The following TLX2 variants were observed in gnomAD, a reference collection of about 807,000 sequenced individuals.
The protein encoded by TLX2 is T-cell leukemia homeobox protein 2.
Under a neutral mutation model 21.7 loss-of-function variants are expected in TLX2, and 15 were observed. That is an observed-to-expected ratio of 0.69 (90% CI 0.46 to 1.07). TLX2 has a LOEUF of 1.07. Ranked by LOEUF, TLX2 falls within the 50% of genes least tolerant of loss-of-function variation. The probability of loss-of-function intolerance (pLI) is 0.00; values close to 1 mark genes in which losing one functional copy is unlikely to be tolerated. For missense variants in TLX2, 384 were observed against 409.1 expected (o/e 0.94, Z 0.53); for synonymous variants, 213 against 193.1 (o/e 1.10, Z -0.85).
rs1326291021 is a variant in TLX2 at position 74,516,060 on chromosome 2, G to A, written c.726G>A (p.Pro242=). ...TGCAGCAGGACGCGTTGCCACGGCC[G>A]CTGCGGCCGCCGCTGCCCCCGGACC... is the stretch of plus-strand genomic sequence containing the variant. The part of the protein sequence containing the change: ...LHLQQDALPR[P]LRPPLPPDPL... Residue 242 remains proline (P), a synonymous_variant, in exon 3 of 3, where the codon CCG becomes CCA. Coordinates refer to ENST00000233638, the MANE Select transcript of TLX2 (RefSeq NM_016170.5). 1.3e-6 allele frequency: 2 copies of A among 1,585,036 alleles called. No individual in the cohort carries two copies. Among genetic ancestry groups the A allele is most frequent in the Non-Finnish European group, 1.7e-6 (2 of 1,171,640 alleles).
Position 74,516,012 on chromosome 2 carries a change from C to G in TLX2, c.678C>G (p.Arg226=), listed in dbSNP as rs371068999. The G allele has an allele frequency of 2.0e-6, 3 of 1,522,418 alleles. No homozygotes were observed. The highest frequency in any genetic ancestry group is 2.6e-6 in the Non-Finnish European group (3 of 1,143,292). 94.3% of individuals were successfully genotyped at this position (1,522,418 alleles called of 1,614,324 possible). A position where few individuals can be genotyped will look rare whatever the true frequency, so the allele number is the denominator to read the frequency against. Residue 226 remains arginine (R), a synonymous_variant, in exon 3 of 3, where the codon CGC becomes CGG. Transcript: ENST00000233638. Reference sequence around the variant, plus strand: ...AGGAGCGCGAGGCCGAGCGGCACCGCGCGGGCCGGCTGCTCCTGCATCTGC... The same window carrying G: ...AGGAGCGCGAGGCCGAGCGGCACCGGGCGGGCCGGCTGCTCCTGCATCTGC... ...TAEEREAERH[R]AGRLLLHLQQ... is the part of the protein sequence containing the mutation.
Position 74,516,475 on chromosome 2 carries a change from G to A in TLX2, c.*286G>A. 3 of 1,305,334 alleles carry A rather than the reference G, an allele frequency of 2.3e-6. No individual in the cohort carries two copies. 80.9% of individuals were successfully genotyped at this position (1,305,334 alleles called of 1,614,324 possible). On this transcript the variant is annotated 3_prime_UTR_variant, in exon 3 of 3. Coordinates refer to ENST00000233638, the MANE Select transcript of TLX2 (RefSeq NM_016170.5). ...CCTGCAGGACAGTAGCCAATGAGGT[G>A]CGGGGAGGGGGCCGGGCTGGCCAAT...
rs942348971 is a variant in TLX2, at chr2:74,516,375, G to A, written c.*186G>A. The A allele has an allele frequency of 9.4e-6, 14 of 1,481,858 alleles. No individual in the cohort carries two copies. Among genetic ancestry groups the A allele is most frequent in the Admixed American group, 2.4e-5 (1 of 41,826 alleles). 91.8% of individuals were successfully genotyped at this position (1,481,858 alleles called of 1,614,324 possible). Reference sequence around the variant, plus strand: ...TGCGCAGATGCACGGCCAGCTCAGAGGCGGCCTTTCCCGCCATTTTTCACT... The same window carrying A: ...TGCGCAGATGCACGGCCAGCTCAGAAGCGGCCTTTCCCGCCATTTTTCACT... On this transcript the variant is annotated 3_prime_UTR_variant, in exon 3 of 3. Coordinates refer to ENST00000233638, the MANE Select transcript of TLX2 (RefSeq NM_016170.5).
At position 74,514,614 on chromosome 2, in the gene TLX2, G is replaced by C; in HGVS notation, c.-193G>C. 1 of 1,416,556 alleles carries C rather than the reference G, an allele frequency of 7.1e-7. No homozygotes were observed. The highest frequency in any genetic ancestry group is 9.2e-7 in the Non-Finnish European group (1 of 1,092,618). 87.7% of individuals were successfully genotyped at this position (1,416,556 alleles called of 1,614,324 possible). A position where few individuals can be genotyped will look rare whatever the true frequency, so the allele number is the denominator to read the frequency against. ...CAAGTCCCTGCGCTGACGCCCGGCAGCGGCTGGCACGGGCGCGGCTGCTCC... is the reference window on the plus strand; with the variant it reads ...CAAGTCCCTGCGCTGACGCCCGGCACCGGCTGGCACGGGCGCGGCTGCTCC... On this transcript the variant is annotated 5_prime_UTR_variant, in exon 1 of 3. Transcript: ENST00000233638. The surrounding 1 kb of genome is among the most constrained non-coding windows in gnomAD (Gnocchi z 5.0).
chr2:74,516,111 C>G lies in TLX2; in HGVS notation c.777C>G (p.Leu259=). The change falls in exon 3 of 3, where the codon CTC becomes CTG. Residue 259 remains leucine (L), a synonymous_variant. Transcript: ENST00000233638. ...PDPLCLHNSS[L]FALQNLQPWA... ...CTCTCTGCCTGCACAACTCGTCGCT[C>G]TTCGCGCTGCAGAACCTGCAGCCCT... 6.2e-7 allele frequency: 1 copy of G among 1,610,156 alleles called. No homozygotes were observed. The highest frequency in any genetic ancestry group is 8.5e-7 in the Non-Finnish European group (1 of 1,179,068).
At position 74,515,519 on chromosome 2, in the gene TLX2, G is replaced by A; in HGVS notation, c.401-114G>A. 1 of 1,191,030 alleles carries A rather than the reference G, an allele frequency of 8.4e-7. No homozygotes were observed. Among genetic ancestry groups the A allele is most frequent in the Non-Finnish European group, 1.2e-6 (1 of 842,626 alleles). The allele number at this position is 1,191,030 out of a possible 1,614,324, so 73.8% of individuals were successfully genotyped here. A position where few individuals can be genotyped will look rare whatever the true frequency, so the allele number is the denominator to read the frequency against. On this transcript the variant is annotated intron_variant, in intron 1 of 2. Coordinates refer to ENST00000233638, the MANE Select transcript of TLX2 (RefSeq NM_016170.5). This position sits in a 1 kb window ranked among gnomAD's most constrained non-coding sequence, Gnocchi z 6.6. The stretch of plus-strand genomic sequence containing the variant: ...CTATAGGGCTCGGCTGATGCTTAGG[G>A]CCCGGGTAAGGACAGGGCGCGGGAG...
At position 74,515,030 on chromosome 2, in the gene TLX2, T is replaced by A; in HGVS notation, c.224T>A (p.Val75Glu). The stretch of plus-strand genomic sequence containing the variant: ...GCCCCGCTGCCCGGCAGCTCCGGAG[T>A]GGGCCCAGGCGGCGTGATCCGCGTC... ...SLAPLPGSSG[V>E]GPGGVIRVPA... Residue 75 changes from valine (V) to glutamate (E), a missense_variant, in exon 1 of 3, where the codon GTG becomes GAG. Val to Glu is a moderately radical substitution (Grantham distance 121). Coordinates refer to ENST00000233638, the MANE Select transcript of TLX2 (RefSeq NM_016170.5). The surrounding 1 kb of genome is among the most constrained non-coding windows in gnomAD (Gnocchi z 6.6). 1 of 1,524,502 alleles carries A rather than the reference T, an allele frequency of 6.6e-7. No homozygotes were observed. Among genetic ancestry groups the A allele is most frequent in the Non-Finnish European group, 8.8e-7 (1 of 1,136,786 alleles). 94.4% of individuals were successfully genotyped at this position (1,524,502 alleles called of 1,614,324 possible). A position where few individuals can be genotyped will look rare whatever the true frequency, so the allele number is the denominator to read the frequency against.
In TLX2 at chr2:74,515,118, C is replaced by G; in HGVS notation, c.312C>G (p.Pro104=). 1 of 1,539,882 alleles carries G rather than the reference C, an allele frequency of 6.5e-7. No individual in the cohort carries two copies. The highest frequency in any genetic ancestry group is 8.7e-7 in the Non-Finnish European group (1 of 1,144,882). The stretch of plus-strand genomic sequence containing the variant: ...GGGGGGCGCCTGCAGTGCCTGGGCC[C>G]TCGGGTTTGGGCGGCGCCGGAGGCC... ...PAGGAPAVPG[P]SGLGGAGGLA... The change falls in exon 1 of 3, where the codon CCC becomes CCG. Residue 104 remains proline, a synonymous_variant. Transcript: ENST00000233638. The surrounding 1 kb of genome is among the most constrained non-coding windows in gnomAD (Gnocchi z 6.6).
chr2:74,516,432 G>C lies in TLX2; in HGVS notation c.*243G>C, dbSNP rs1470745934. The C allele has an allele frequency of 4.3e-6, 6 of 1,392,494 alleles. No individual in the cohort carries two copies. Among genetic ancestry groups the C allele is most frequent in the Non-Finnish European group, 5.6e-6 (6 of 1,069,864 alleles). The allele number at this position is 1,392,494 out of a possible 1,614,324, so 86.3% of individuals were successfully genotyped here. A position where few individuals can be genotyped will look rare whatever the true frequency, so the allele number is the denominator to read the frequency against. ...CCGTTACGCCCTCGCTGGAACCTGA[G>C]GCGCCGAGAGGGCGGGACCTGCAGG... On this transcript the variant is annotated 3_prime_UTR_variant, in exon 3 of 3. Coordinates refer to ENST00000233638, the MANE Select transcript of TLX2 (RefSeq NM_016170.5).
chr2:74,514,609 C>G lies in TLX2; in HGVS notation c.-198C>G, dbSNP rs1339315332. 2.1e-6 allele frequency: 3 copies of G among 1,415,656 alleles called. No homozygotes were observed. The highest frequency in any genetic ancestry group is 3.1e-5 in the South Asian group (2 of 65,366). 87.7% of individuals were successfully genotyped at this position (1,415,656 alleles called of 1,614,324 possible). On this transcript the variant is annotated 5_prime_UTR_variant, in exon 1 of 3. Coordinates refer to ENST00000233638, the MANE Select transcript of TLX2 (RefSeq NM_016170.5). This position sits in a 1 kb window ranked among gnomAD's most constrained non-coding sequence, Gnocchi z 5.0. ...GGATGCAAGTCCCTGCGCTGACGCC[C>G]GGCAGCGGCTGGCACGGGCGCGGCT...
In TLX2 at chr2:74,516,181, G is replaced by A. The variant is rs1416009407; in HGVS notation, c.847G>A (p.Val283Met). Residue 283 changes from valine to methionine, a missense_variant, in exon 3 of 3, where the codon GTG (valine) becomes ATG (methionine). By Grantham distance (21) the Val-to-Met change is conservative. Transcript: ENST00000233638. ...GGCTTCAGTGTCCGGGCTCGCCTCG[G>A]TGGTGTGAGCGACGCCCGTCCGATC... ...KVASVSGLAS[V>M]V The A allele has an allele frequency of 5.0e-6, 8 of 1,609,404 alleles. No individual in the cohort carries two copies. Among genetic ancestry groups the A allele is most frequent in the Non-Finnish European group, 5.9e-6 (7 of 1,178,628 alleles).
chr2:74,516,229 G>T lies in TLX2; in HGVS notation c.*40G>T. ...ATCGGCGTGGAGCGCCGGGCCCGGA[G>T]CGGTGGAGCGCGCGGCTGCCTGCGT... On this transcript the variant is annotated 3_prime_UTR_variant, in exon 3 of 3. Coordinates refer to ENST00000233638, the MANE Select transcript of TLX2 (RefSeq NM_016170.5). 6.3e-7 allele frequency: 1 copy of T among 1,584,026 alleles called. No homozygotes were observed.
Position 74,516,511 on chromosome 2 carries a change from T to G in TLX2, c.*322T>G. 1.6e-6 allele frequency: 2 copies of G among 1,225,544 alleles called. No homozygotes were observed. Among genetic ancestry groups the G allele is most frequent in the Non-Finnish European group, 2.1e-6 (2 of 971,998 alleles). 75.9% of individuals were successfully genotyped at this position (1,225,544 alleles called of 1,614,324 possible). A position where few individuals can be genotyped will look rare whatever the true frequency, so the allele number is the denominator to read the frequency against. On this transcript the variant is annotated 3_prime_UTR_variant, in exon 3 of 3. Transcript: ENST00000233638. ...GCCGGGCTGGCCAATGGGAGCTGCT[T>G]TCCTGAGGGACTCGAAATTCTCCGG...
Position 74,515,349 on chromosome 2 carries a change from G to A in TLX2, c.400+143G>A. The A allele has an allele frequency of 6.7e-7, 1 of 1,485,408 alleles. No homozygotes were observed. Among genetic ancestry groups the A allele is most frequent in the Non-Finnish European group, 9.0e-7 (1 of 1,115,228 alleles). 92.0% of individuals were successfully genotyped at this position (1,485,408 alleles called of 1,614,324 possible). A position where few individuals can be genotyped will look rare whatever the true frequency, so the allele number is the denominator to read the frequency against. On this transcript the variant is annotated intron_variant, in intron 1 of 2. Coordinates refer to ENST00000233638, the MANE Select transcript of TLX2 (RefSeq NM_016170.5). This position sits in a 1 kb window ranked among gnomAD's most constrained non-coding sequence, Gnocchi z 6.6. ...GATCCTCCCCCAACTCAAATCTCTG[G>A]GTCCTGCCTCCGAGAGGTGATGGGG...
chr2:74,515,742 G>A lies in TLX2; in HGVS notation c.510G>A (p.Leu170=), dbSNP rs1443466105. The A allele has an allele frequency of 4.3e-6, 7 of 1,613,452 alleles. No individual in the cohort carries two copies. In the Admixed American group the frequency reaches 1.0e-4, roughly 23 times the overall value. ...CGTCCTTCTCCCGCTCACAGGTGCT[G>A]GAGTTGGAGCGGCGCTTCCTGCGCC... ...PRTSFSRSQV[L]ELERRFLRQK... The change falls in exon 2 of 3, where the codon CTG becomes CTA. Residue 170 remains leucine, a synonymous_variant. Coordinates refer to ENST00000233638, the MANE Select transcript of TLX2 (RefSeq NM_016170.5). The surrounding 1 kb of genome is among the most constrained non-coding windows in gnomAD (Gnocchi z 6.6).
In TLX2 at chr2:74,516,363, G is replaced by T. The variant is rs910828053; in HGVS notation, c.*174G>T. 23 of 1,510,482 alleles carry T rather than the reference G, an allele frequency of 1.5e-5. No homozygotes were observed. The highest frequency in any genetic ancestry group is 6.2e-5 in the Admixed American group (3 of 48,084). The allele number at this position is 1,510,482 out of a possible 1,614,324, so 93.6% of individuals were successfully genotyped here. ...CCAAGCCAGCGTTGCGCAGATGCAC[G>T]GCCAGCTCAGAGGCGGCCTTTCCCG... is the stretch of plus-strand genomic sequence containing the variant. On this transcript the variant is annotated 3_prime_UTR_variant, in exon 3 of 3. Coordinates refer to ENST00000233638, the MANE Select transcript of TLX2 (RefSeq NM_016170.5).
rs1200847395 is a variant in TLX2, at chr2:74,516,773, C to T, written c.*584C>T. ...AGGATTCCTTCCTGACTTTGAGCCT[C>T]ACGTTGTCATGTGTGTTCAGCCTGC... On this transcript the variant is annotated 3_prime_UTR_variant, in exon 3 of 3. Coordinates refer to ENST00000233638, the MANE Select transcript of TLX2 (RefSeq NM_016170.5). 6.0e-6 allele frequency: 1 copy of T among 166,952 alleles called. No individual in the cohort carries two copies. The highest frequency in any genetic ancestry group is 1.3e-5 in the Non-Finnish European group (1 of 77,454). 10.3% of individuals were successfully genotyped at this position (166,952 alleles called of 1,614,324 possible). A position where few individuals can be genotyped will look rare whatever the true frequency, so the allele number is the denominator to read the frequency against.
In TLX2 at chr2:74,516,368, G is replaced by A; in HGVS notation, c.*179G>A. On this transcript the variant is annotated 3_prime_UTR_variant, in exon 3 of 3. Transcript: ENST00000233638. ...CCAGCGTTGCGCAGATGCACGGCCAGCTCAGAGGCGGCCTTTCCCGCCATT... is the reference window on the plus strand; with the variant it reads ...CCAGCGTTGCGCAGATGCACGGCCAACTCAGAGGCGGCCTTTCCCGCCATT... 1.3e-6 allele frequency: 2 copies of A among 1,491,196 alleles called. No individual in the cohort carries two copies. The highest frequency in any genetic ancestry group is 1.8e-6 in the Non-Finnish European group (2 of 1,126,198). The allele number at this position is 1,491,196 out of a possible 1,614,324, so 92.4% of individuals were successfully genotyped here.
In TLX2 at chr2:74,515,806, A is replaced by G. The variant is rs1377064161; in HGVS notation, c.574A>G (p.Lys192Glu). The G allele has an allele frequency of 6.2e-7, 1 of 1,612,800 alleles. No individual in the cohort carries two copies. Among genetic ancestry groups the G allele is most frequent in the African/African-American group, 1.3e-5 (1 of 74,930 alleles). The change falls in exon 2 of 3, where the codon AAG becomes GAG. Residue 192 changes from lysine to glutamate, a missense_variant. Coordinates refer to ENST00000233638, the MANE Select transcript of TLX2 (RefSeq NM_016170.5). The surrounding 1 kb of genome is among the most constrained non-coding windows in gnomAD (Gnocchi z 6.6). Reference protein sequence around the residue: ...LASAERAALAKALRMTDAQVK... With the variant: ...LASAERAALAEALRMTDAQVK... ...CTCTGCGGAGAGGGCGGCGCTGGCC[A>G]AGGCCTTGCGCATGACCGACGCACA...
Sources: gnomAD v4.1 joint callset for allele counts on GRCh38, gnomAD v4.1.1 for gene constraint, Gnocchi (gnomAD v3.1) non-coding constraint, MANE v1.5 for transcripts, NCBI Gene and HGNC (gene_info 2026-07-23, HGNC 2026-07-21) for gene names.